Variants in ADSS1 observed in about 807,000 individuals in gnomAD.
The protein encoded by ADSS1 is adenylosuccinate synthetase isozyme 1.
In ADSS1, 57 loss-of-function variants were observed where a neutral mutation model predicts 59.1. That is an observed-to-expected ratio of 0.97 (90% CI 0.78 to 1.20). The LOEUF is 1.20. Among genes scored for constraint, ADSS1 ranks in the 50% most tolerant of loss-of-function variants. The pLI is 0.00. For synonymous variants in ADSS1, 247 were observed against 249.4 expected (o/e 0.99, Z 0.09); for missense variants, 603 against 610.3 (o/e 0.99, Z 0.13).
intron 1 of ADSS1, among the ~76,000 whole-genome samples, chr14:104,730,577 G>A (rs889814212): frequency 1.3e-5 from 2 of 152,192 alleles, no homozygotes; most frequent in Non-Finnish European, 1.5e-5. Context: ...ATGATATGGA[G>A]AGAGGTGTAG....
rs1890653783 is a variant in ADSS1, at chr14:104,724,267, CAGCATGTCGG to C, written c.-3_7del. On this transcript the variant is annotated start_lost and 5_prime_UTR_variant, in exon 1 of 13. Coordinates refer to ENST00000330877, the MANE Select transcript of ADSS1 (RefSeq NM_152328.5). ...GGCCAGCGCAGCGGAAGAGCCAAGC[CAGCATGTCGG>C]GGACCCGAGCCTCCAACGACCGGCC... 1.6e-6 allele frequency: 2 copies of C among 1,228,140 alleles called. No homozygotes were observed. The highest frequency in any genetic ancestry group is 3.1e-5 in the African/African-American group (2 of 64,076). The allele number at this position is 1,228,140 out of a possible 1,614,324, so 76.1% of individuals were successfully genotyped here.
intron 8 of ADSS1, among the ~76,000 whole-genome samples, chr14:104,741,584 C>T (rs1263689472): frequency 6.6e-6 from 1 of 152,178 alleles, no homozygotes; most frequent in East Asian, 1.9e-4. Context: ...CTTACCCTCA[C>T]CCCCGAGGCG....
intron 2 of ADSS1, among the ~76,000 whole-genome samples, chr14:104,736,051 G>T (rs1035909614): frequency 1.3e-5 from 2 of 152,232 alleles, no homozygotes; most frequent in African/African-American, 2.4e-5. Context: ...CATTCAATGT[G>T]AGCAGAGGGA....
In ADSS1 at chr14:104,746,983, T is replaced by C. The variant is rs1336632536; in HGVS notation, c.1354T>C (p.Ser452Pro). 2 of 1,613,962 alleles carry C rather than the reference T, an allele frequency of 1.2e-6. No individual in the cohort carries two copies. Among genetic ancestry groups the C allele is most frequent in the Non-Finnish European group, 8.5e-7 (1 of 1,179,914 alleles). ...GGTTGGTGTTGGCAAGTCAAGAGAG[T>C]CGATGATCCAGCTGTTTTAGTCACA... ...KWVGVGKSRE[S>P]MIQLF The change falls in exon 13 of 13, where the codon TCG becomes CCG. Residue 452 changes from serine to proline, a missense_variant. Transcript: ENST00000330877.
intron 8 of ADSS1, 105 bp from the exon 9 acceptor site, chr14:104,741,743 A>G: frequency 6.8e-7 from 1 of 1,471,422 alleles, no homozygotes; most frequent in South Asian, 1.3e-5. Context: ...GGGGCCCCCC[A>G]CGGTTTGAAC....
intron 1 of ADSS1, among the ~76,000 whole-genome samples, chr14:104,725,322 G>A (rs938101957): frequency 6.6e-6 from 1 of 152,338 alleles, no homozygotes; most frequent in African/African-American, 2.4e-5. Context: ...CTGACTTACA[G>A]CTCCAGGCAC....
At chr14:104,735,252 C>A in intron 2 of ADSS1, 130 bp downstream of exon 2, 1 of 823,956 alleles carries the variant, frequency 1.2e-6, no homozygotes, top group Non-Finnish European at 1.9e-6. Flanking sequence ...GGACCCCAGC[C>A]TCCACCTGCC....
intron 3 of ADSS1, 127 bp downstream of exon 3, chr14:104,738,565 GC>G: frequency 1.9e-6 from 2 of 1,070,516 alleles, no homozygotes; most frequent in Non-Finnish European, 1.4e-6. Flanking sequence ...AACATAGCTG[GC>G]CCAGCTCATC....
chr14:104,724,574 C>G (rs1305317665), intron 1 of ADSS1, 112 bp downstream of exon 1: 7 of 1,222,188 alleles, frequency 5.7e-6, no homozygotes, highest in Non-Finnish European at 1.0e-6. Context: ...CGCTTGGATG[C>G]CTTCCTTCCG....
At chr14:104,742,025 C>T (rs1480834920) in intron 9 of ADSS1, 23 bp downstream of exon 9, 1 of 1,610,430 alleles carries the variant, frequency 6.2e-7, no homozygotes, top group South Asian at 1.1e-5. Flanking sequence ...CCCCTCGGGA[C>T]CCCGTGGGAG....
At position 104,744,923 on chromosome 14, in the gene ADSS1, G is replaced by T. The variant is rs1399065299; in HGVS notation, c.1171+14G>T. 5 of 1,612,608 alleles carry T rather than the reference G, an allele frequency of 3.1e-6. No homozygotes were observed. In the East Asian group the frequency reaches 1.1e-4, roughly 36 times the overall value. Reference sequence around the variant, plus strand: ...CCTATTTCCCAGGTATGTGAAGTGGGGCAACCGTTCTGCCTGTTGGGCCGT... The same window carrying T: ...CCTATTTCCCAGGTATGTGAAGTGGTGCAACCGTTCTGCCTGTTGGGCCGT... On this transcript the variant is annotated intron_variant, in intron 11 of 12. Coordinates refer to ENST00000330877, the MANE Select transcript of ADSS1 (RefSeq NM_152328.5).
intron 10 of ADSS1, among the ~76,000 whole-genome samples, chr14:104,744,135 G>A (rs1891472203): frequency 6.6e-6 from 1 of 152,196 alleles, no homozygotes; most frequent in African/African-American, 2.4e-5. Context: ...ATGCTCACGG[G>A]CTGGACACAG....
chr14:104,739,967 G>A (rs1283954263), intron 5 of ADSS1, 151 bp downstream of exon 5: 11 of 849,102 alleles, frequency 1.3e-5, no homozygotes, highest in South Asian at 4.9e-5. Flanking sequence ...ATTCCACAGC[G>A]CATCACCCAA....
rs376632596 is a variant in ADSS1, at chr14:104,738,467, T to C, written c.358+29T>C. 5.4e-4 allele frequency: 874 copies of C among 1,611,520 alleles called. 4 individuals carry two copies. In the African/African-American group the frequency reaches 0.011, roughly 20 times the overall value. On this transcript the variant is annotated intron_variant, in intron 3 of 12. Transcript: ENST00000330877. ...GGTCCAAGCTCCTGCAGACTTGCCCTGTCCCAGACGCGGTGCCCTGAGCGG... is the reference window on the plus strand; with the variant it reads ...GGTCCAAGCTCCTGCAGACTTGCCCCGTCCCAGACGCGGTGCCCTGAGCGG...
At chr14:104,731,103 A>G (rs1332770007) in intron 1 of ADSS1, among the ~76,000 whole-genome samples, 1 of 151,662 alleles carries the variant, frequency 6.6e-6, no homozygotes, top group Non-Finnish European at 1.5e-5. Context: ...GGTGCCCCTA[A>G]CTCTGGGCCC....
At chr14:104,739,647 C>G in intron 4 of ADSS1, 103 bp from the exon 5 acceptor site, 10 of 1,328,858 alleles carry the variant, frequency 7.5e-6, no homozygotes, top group Non-Finnish European at 1.1e-5. Flanking sequence ...CAACCACCCC[C>G]TTCCCAGGAG....
intron 1 of ADSS1, among the ~76,000 whole-genome samples, chr14:104,728,546 G>A (rs1212774465): frequency 6.6e-6 from 1 of 152,196 alleles, no homozygotes; most frequent in Non-Finnish European, 1.5e-5. Flanking sequence ...AGGGAGTGAA[G>A]CAGTGTAAGT....
intron 1 of ADSS1, among the ~76,000 whole-genome samples, chr14:104,731,893 C>T (rs903516690): frequency 1.3e-5 from 2 of 152,186 alleles, no homozygotes; most frequent in Non-Finnish European, 2.9e-5. Flanking sequence ...CAGCAGGATC[C>T]ATGGACCCAT....
At chr14:104,732,993 G>C (rs1182421723) in intron 1 of ADSS1, among the ~76,000 whole-genome samples, 1 of 152,144 alleles carries the variant, frequency 6.6e-6, no homozygotes, top group African/African-American at 2.4e-5. Context: ...GACTGAACCT[G>C]TGCGCCCAGG....
Sources: allele counts gnomAD v4.1 joint callset (sites outside exome capture counted in the v4.1 genomes callset), GRCh38; gene constraint gnomAD v4.1.1; transcripts MANE v1.5; gene names NCBI Gene and HGNC (gene_info 2026-07-23, HGNC 2026-07-21).